NRG2: variants seen among roughly 807,000 people sequenced by gnomAD.
NRG2 encodes the protein neuregulin 2, also known as pro-neuregulin-2, membrane-bound isoform.
A neutral mutation model predicts 73.9 loss-of-function variants in NRG2; 27 were observed. The ratio of observed to expected loss-of-function variants is 0.37; its 90% CI spans 0.27 to 0.50. NRG2 has a LOEUF of 0.50. NRG2 is among the 20% of genes least tolerant of loss of function. The pLI, the probability that NRG2 is intolerant of heterozygous loss-of-function variation, is 0.96. For missense variants in NRG2, 1,126 were observed against 1,210.1 expected (o/e 0.93, Z 1.03); for synonymous variants, 532 against 541.0 (o/e 0.98, Z 0.23).
intron 1 of NRG2, among the ~76,000 whole-genome samples, chr5:139,939,310 C>T (rs1753211114): frequency 6.8e-6 from 1 of 147,202 alleles, no homozygotes; most frequent in African/African-American, 2.5e-5. Flanking sequence ...GAGTCTTGCT[C>T]TGTTGCCCAG....
At chr5:139,922,111 A>G (rs1386416595) in intron 1 of NRG2, among the ~76,000 whole-genome samples, 1 of 151,908 alleles carries the variant, frequency 6.6e-6, no homozygotes, top group Non-Finnish European at 1.5e-5. Context: ...TCTCCTCTAC[A>G]AAAGATAATG....
chr5:139,977,273 A>G (rs1756446444), intron 1 of NRG2, among the ~76,000 whole-genome samples: 1 of 152,214 alleles, frequency 6.6e-6, no homozygotes, highest in Non-Finnish European at 1.5e-5. Flanking sequence ...ATTAAAAAAT[A>G]TAAAAAGAAG....
At position 140,042,356 on chromosome 5, in the gene NRG2, AG is replaced by A. The variant is rs1761998723; in HGVS notation, c.700+13del. 3 of 1,392,744 alleles carry A rather than the reference AG, an allele frequency of 2.2e-6. No individual in the cohort carries two copies. The highest frequency in any genetic ancestry group is 1.5e-5 in the African/African-American group (1 of 67,482). 86.3% of individuals were successfully genotyped at this position (1,392,744 alleles called of 1,614,324 possible). On this transcript the variant is annotated intron_variant, in intron 1 of 9. Coordinates refer to ENST00000361474, the MANE Select transcript of NRG2 (RefSeq NM_004883.3). Reference sequence around the variant, plus strand: ...CCTCCCCCCTTTCTCCAGCAAAGGGAGGGGGCGACTCACCGCAGTCAGTGCA... The same window carrying A: ...CCTCCCCCCTTTCTCCAGCAAAGGGAGGGGCGACTCACCGCAGTCAGTGCA...
chr5:140,007,048 T>C (rs1428334998), intron 1 of NRG2, among the ~76,000 whole-genome samples: 1 of 152,144 alleles, frequency 6.6e-6, no homozygotes, highest in African/African-American at 2.4e-5. Flanking sequence ...GATTTCCATG[T>C]TTAGAGACAT....
intron 1 of NRG2, among the ~76,000 whole-genome samples, chr5:140,033,955 C>T (rs991805579): frequency 1.3e-5 from 2 of 151,624 alleles, no homozygotes; most frequent in South Asian, 2.1e-4. Flanking sequence ...ATGCAAAAGA[C>T]GGTTTCCTTT....
rs1168340020 is a variant in NRG2 at position 140,009,065 on chromosome 5, T to G, written c.700+33305A>C. 4.6e-5 allele frequency among the ~76,000 whole-genome samples: 7 copies of G among 152,320 alleles called. No individual in the cohort carries two copies. The South Asian group carries it at 6.2e-4, about 14-fold the overall frequency. ...ATTTAGCACTCATCCTCCAATCTGA[T>G]CCTATGCTTTCCCTAAAAGATCCTG... On this transcript the variant is annotated intron_variant, in intron 1 of 9. Coordinates refer to ENST00000361474, the MANE Select transcript of NRG2 (RefSeq NM_004883.3).
intron 1 of NRG2, among the ~76,000 whole-genome samples, chr5:140,011,016 A>G (rs890222712): frequency 4.6e-5 from 7 of 152,082 alleles, no homozygotes; most frequent in African/African-American, 1.7e-4. Context: ...CCCTCCCACT[A>G]CTGTTTGTCC....
At chr5:139,871,695 C>T in intron 4 of NRG2, 26 bp downstream of exon 4, 1 of 1,613,262 alleles carries the variant, frequency 6.2e-7, no homozygotes, top group Non-Finnish European at 8.5e-7. Context: ...TTCTTGCTCC[C>T]ATGCCCACCC....
rs79824759 is a variant in NRG2, at chr5:139,893,964, T to C, written c.701-6453A>G. On this transcript the variant is annotated intron_variant, in intron 1 of 9. Coordinates refer to ENST00000361474, the MANE Select transcript of NRG2 (RefSeq NM_004883.3). ...GCCAGGGCTTCTGGCCTGTATCTGT[T>C]TGACAGGCCATCCCCAGGAAGCTCC... Among the ~76,000 whole-genome samples, 475 of 152,316 alleles carry C rather than the reference T, an allele frequency of 3.1e-3. 10 individuals carry two copies. The East Asian group carries it at 0.082, about 26-fold the overall frequency.
Position 139,954,811 on chromosome 5 carries a change from G to A in NRG2, c.701-67300C>T, listed in dbSNP as rs1047050007. On this transcript the variant is annotated intron_variant, in intron 1 of 9. Coordinates refer to ENST00000361474, the MANE Select transcript of NRG2 (RefSeq NM_004883.3). The surrounding 1 kb of genome is among the most constrained non-coding windows in gnomAD (Gnocchi z 5.0). ...TTGGGAGAGTAATAATGCCTACATC[G>A]TAGGGTTTTTGTAAGGATAAATTAG... Among the ~76,000 whole-genome samples the A allele has an allele frequency of 1.3e-5, 2 of 152,100 alleles. No individual in the cohort carries two copies. Among genetic ancestry groups the A allele is most frequent in the Admixed American group, 1.3e-4 (2 of 15,270 alleles).
At chr5:139,921,468 A>T (rs1262342733) in intron 1 of NRG2, among the ~76,000 whole-genome samples, 1 of 152,224 alleles carries the variant, frequency 6.6e-6, no homozygotes, top group African/African-American at 2.4e-5. Flanking sequence ...GATCTTTGAC[A>T]AAGGAGCAAA....
chr5:139,923,356 G>C (rs974020563), intron 1 of NRG2, among the ~76,000 whole-genome samples: 1 of 152,142 alleles, frequency 6.6e-6, no homozygotes, highest in Non-Finnish European at 1.5e-5. Context: ...TGTATCTTGC[G>C]CTCTCTAGGA....
chr5:139,865,482 C>A lies in NRG2; in HGVS notation c.1189+67G>T, dbSNP rs1422737189. On this transcript the variant is annotated intron_variant, in intron 5 of 9. Transcript: ENST00000361474. The surrounding 1 kb of genome is among the most constrained non-coding windows in gnomAD (Gnocchi z 5.2). Reference sequence around the variant, plus strand: ...CCAACACCCCTGGCCCTATGCCCTACATTGGGGGGACTGCACCCAGAAGCT... The same window carrying A: ...CCAACACCCCTGGCCCTATGCCCTAAATTGGGGGGACTGCACCCAGAAGCT... 53 of 1,230,354 alleles carry A rather than the reference C, an allele frequency of 4.3e-5. No individual in the cohort carries two copies. The East Asian group carries it at 1.2e-3, about 27-fold the overall frequency. 76.2% of individuals were successfully genotyped at this position (1,230,354 alleles called of 1,614,324 possible). A position where few individuals can be genotyped will look rare whatever the true frequency, so the allele number is the denominator to read the frequency against.
chr5:140,043,219 G>T lies in NRG2; in HGVS notation c.-150C>A. The T allele has an allele frequency of 1.2e-6, 1 of 832,698 alleles. No individual in the cohort carries two copies. Among genetic ancestry groups the T allele is most frequent in the Non-Finnish European group, 1.8e-6 (1 of 564,812 alleles). The allele number at this position is 832,698 out of a possible 1,614,324, so 51.6% of individuals were successfully genotyped here. A position where few individuals can be genotyped will look rare whatever the true frequency, so the allele number is the denominator to read the frequency against. ...GGGAGGTGGCCCAGCTAGGGCAGGG[G>T]GCAGGCGGCAAGCGGGCCGCGATGC... On this transcript the variant is annotated 5_prime_UTR_variant, in exon 1 of 10. Transcript: ENST00000361474. This position sits in a 1 kb window ranked among gnomAD's most constrained non-coding sequence, Gnocchi z 6.7.
chr5:139,961,827 C>A (rs1431399276), intron 1 of NRG2, among the ~76,000 whole-genome samples: 1 of 152,226 alleles, frequency 6.6e-6, no homozygotes, highest in Non-Finnish European at 1.5e-5. Flanking sequence ...GCAGCTCAAT[C>A]CAGTTTCAGG....
rs923955802 is a variant in NRG2 at position 139,870,366 on chromosome 5, G to A, written c.1112+1355C>T. Among the ~76,000 whole-genome samples the A allele has an allele frequency of 5.9e-5, 9 of 152,176 alleles. No individual in the cohort carries two copies. The highest frequency in any genetic ancestry group is 2.1e-4 in the South Asian group (1 of 4,834). On this transcript the variant is annotated intron_variant, in intron 4 of 9. Transcript: ENST00000361474. The surrounding 1 kb of genome is among the most constrained non-coding windows in gnomAD (Gnocchi z 4.4). ...GAGGTGGCAGCAGGGGCAGGGTGGG[G>A]CCAGGGAGGAAGCCAGCTGAGGAGG...
chr5:139,883,314 C>T (rs1581855152), intron 2 of NRG2, among the ~76,000 whole-genome samples: 1 of 150,088 alleles, frequency 6.7e-6, no homozygotes, highest in Admixed American at 6.6e-5. Context: ...TTTTCCTCAG[C>T]GCCTACCCCC....
Position 139,860,333 on chromosome 5 carries a change from C to G in NRG2, c.1190-4555G>C, listed in dbSNP as rs188063209. Among the ~76,000 whole-genome samples, 46 of 152,216 alleles carry G rather than the reference C, an allele frequency of 3.0e-4. No homozygotes were observed. In the East Asian group the frequency reaches 8.5e-3, roughly 28 times the overall value. ...CAGCACTCTCAACTCTCAAGCCTTC[C>G]TGCAGACAGCTTGCCCAGCTCCCTC... is the stretch of plus-strand genomic sequence containing the variant. On this transcript the variant is annotated intron_variant, in intron 5 of 9. Transcript: ENST00000361474.
intron 1 of NRG2, among the ~76,000 whole-genome samples, chr5:139,964,341 T>A (rs73273410): frequency 6.8e-6 from 1 of 146,164 alleles, no homozygotes; most frequent in East Asian, 2.0e-4. Flanking sequence ...TGGTTAGTCA[T>A]ACACAGAAAT....
Sources: gnomAD v4.1 joint callset for allele counts (sites outside exome capture counted in the v4.1 genomes callset) on GRCh38, gnomAD v4.1.1 for gene constraint, Gnocchi (gnomAD v3.1) non-coding constraint, MANE v1.5 for transcripts, NCBI Gene and HGNC (gene_info 2026-07-23, HGNC 2026-07-21) for gene names.